The following FAM184B variants were observed in gnomAD, a reference collection of about 807,000 sequenced individuals.
FAM184B encodes the protein protein FAM184B.
In FAM184B, 111 loss-of-function variants were observed where a neutral mutation model predicts 135.9. The observed-to-expected ratio is 0.82, with a 90% CI of 0.70 to 0.96. FAM184B has a LOEUF of 0.96. FAM184B is among the 40% of genes least tolerant of loss of function. The probability of loss-of-function intolerance (pLI) is 0.00; values close to 1 mark genes in which losing one functional copy is unlikely to be tolerated. For synonymous variants in FAM184B, 552 were observed against 524.8 expected, an observed-to-expected ratio of 1.05 and a Z score of -0.71; for missense variants, 1,375 against 1,323.9, an observed-to-expected ratio of 1.04 and a Z score of -0.60.
At chr4:17,767,817 G>A (rs561191004) in intron 1 of FAM184B, among the ~76,000 whole-genome samples, 103 of 151,270 alleles carry the variant, frequency 6.8e-4, no homozygotes, top group African/African-American at 2.4e-3. Flanking sequence ...AATAAGGTAG[G>A]GTGCCAATCA....
At position 17,633,878 on chromosome 4, in the gene FAM184B, A is replaced by G. The variant is rs1037962319; in HGVS notation, c.2900T>C (p.Val967Ala). The G allele has an allele frequency of 1.6e-5, 24 of 1,548,324 alleles. No homozygotes were observed. In the African/African-American group the frequency reaches 3.0e-4, roughly 19 times the overall value. The stretch of plus-strand genomic sequence containing the variant: ...GACCACGCGGCTGGGCACGTCCTCC[A>G]CCTTCTTTTTCTGTTTGTATTAATG... ...YLTPSMKKKKVEDVPSRVVSV... is the reference protein window; with the variant it reads ...YLTPSMKKKKAEDVPSRVVSV... Residue 967 changes from valine to alanine, a missense_variant, in exon 17 of 18, where the codon GTG (valine) becomes GCG (alanine). By Grantham distance (64) the Val-to-Ala change is moderately conservative. Transcript: ENST00000265018.
rs112890690 is a variant in FAM184B at position 17,658,493 on chromosome 4, G to T, written c.1894C>A (p.Gln632Lys). Reference sequence around the variant, plus strand: ...TTCTCCCTCTCCAGGTCCGAGAGCTGCTTGAGTGCCTGCAGGTCCTCCCTG... The same window carrying T: ...TTCTCCCTCTCCAGGTCCGAGAGCTTCTTGAGTGCCTGCAGGTCCTCCCTG... ...NYREDLQALKQLSDLEREKLQ... is the reference protein window; with the variant it reads ...NYREDLQALKKLSDLEREKLQ... The change falls in exon 10 of 18, where the codon CAG becomes AAG. Residue 632 changes from glutamine to lysine, a missense_variant. Physicochemically the swap from Gln to Lys is moderately conservative, Grantham distance 53. Coordinates refer to ENST00000265018, the MANE Select transcript of FAM184B (RefSeq NM_015688.2). 2,173 of 1,551,414 alleles carry T rather than the reference G, an allele frequency of 1.4e-3. 19 individuals are homozygous for T. The highest frequency in any genetic ancestry group is 8.3e-4 in the Non-Finnish European group (953 of 1,146,960).
chr4:17,737,492 A>C (rs571529221), intron 1 of FAM184B, among the ~76,000 whole-genome samples: 37 of 152,294 alleles, frequency 2.4e-4, no homozygotes, highest in Non-Finnish European at 4.0e-4. Flanking sequence ...CATTGCTCAG[A>C]TGTTAAAAAG....
chr4:17,650,921 TG>T (rs760275923), intron 11 of FAM184B, among the ~76,000 whole-genome samples: 4 of 151,790 alleles, frequency 2.6e-5, no homozygotes, highest in Non-Finnish European at 5.9e-5. Context: ...TTTAAAGAGA[TG>T]GGGGTCTTGC....
At chr4:17,678,257 T>C (rs1278849670) in intron 7 of FAM184B, among the ~76,000 whole-genome samples, 1 of 152,166 alleles carries the variant, frequency 6.6e-6, no homozygotes, top group Admixed American at 6.5e-5. Flanking sequence ...GATATGATCG[T>C]ATACCTAGAA....
chr4:17,677,399 C>T (rs1409613519), intron 7 of FAM184B, among the ~76,000 whole-genome samples: 3 of 152,160 alleles, frequency 2.0e-5, no homozygotes, highest in African/African-American at 7.2e-5. Flanking sequence ...CTATTATGAA[C>T]ACCTTTACAT....
intron 7 of FAM184B, among the ~76,000 whole-genome samples, chr4:17,671,404 C>T (rs552377458): frequency 6.6e-6 from 1 of 152,220 alleles, no homozygotes; most frequent in East Asian, 1.9e-4. Flanking sequence ...CTGGTAGATA[C>T]CATAGCTCCT....
At chr4:17,772,872 T>C (rs551511445) in intron 1 of FAM184B, among the ~76,000 whole-genome samples, 1 of 152,196 alleles carries the variant, frequency 6.6e-6, no homozygotes, top group Non-Finnish European at 1.5e-5. Context: ...TAGAAGACAA[T>C]GTGTGCTTCT....
At chr4:17,739,535 C>T (rs895590300) in intron 1 of FAM184B, among the ~76,000 whole-genome samples, 2 of 145,624 alleles carry the variant, frequency 1.4e-5, no homozygotes, top group African/African-American at 5.0e-5. Context: ...TGGCTCCCTA[C>T]ACCATATGTC....
chr4:17,741,140 T>C (rs988527265), intron 1 of FAM184B, among the ~76,000 whole-genome samples: 1 of 152,124 alleles, frequency 6.6e-6, no homozygotes, highest in African/African-American at 2.4e-5. Context: ...CACACCTGGG[T>C]TCTTGTGGGC....
In FAM184B at chr4:17,634,526, G is replaced by A. The variant is rs113294049; in HGVS notation, c.2889+483C>T. Among the ~76,000 whole-genome samples the A allele has an allele frequency of 2.5e-3, 386 of 152,144 alleles. 3 individuals carry two copies. The highest frequency in any genetic ancestry group is 8.2e-3 in the African/African-American group (341 of 41,516). On this transcript the variant is annotated intron_variant, in intron 16 of 17. Coordinates refer to ENST00000265018, the MANE Select transcript of FAM184B (RefSeq NM_015688.2). Reference sequence around the variant, plus strand: ...TTTAATAGAGTTGGAGTTTCACCACGTTGGCCAGGCTGGTCTTGAAATCCT... The same window carrying A: ...TTTAATAGAGTTGGAGTTTCACCACATTGGCCAGGCTGGTCTTGAAATCCT...
intron 1 of FAM184B, among the ~76,000 whole-genome samples, chr4:17,770,717 C>T (rs1476762871): frequency 2.0e-5 from 3 of 152,164 alleles, no homozygotes; most frequent in Non-Finnish European, 2.9e-5. Context: ...CTGCCTGCCT[C>T]GGCCTCCCAA....
At chr4:17,644,431 A>G (rs1715408566) in intron 12 of FAM184B, among the ~76,000 whole-genome samples, 1 of 152,216 alleles carries the variant, frequency 6.6e-6, no homozygotes, top group Non-Finnish European at 1.5e-5. Flanking sequence ...CTGGTTCAAT[A>G]TACACAAATC....
intron 17 of FAM184B, 63 bp from the exon 18 acceptor site, chr4:17,632,688 C>T (rs1160621832): frequency 1.8e-6 from 2 of 1,087,592 alleles, no homozygotes; most frequent in African/African-American, 1.6e-5. Flanking sequence ...AGCTTAATAC[C>T]CACCATCTTT....
intron 1 of FAM184B, among the ~76,000 whole-genome samples, chr4:17,722,111 G>A (rs376668527): frequency 2.0e-5 from 3 of 152,096 alleles, no homozygotes; most frequent in Non-Finnish European, 4.4e-5. Context: ...AGGGGGAGAC[G>A]GAAGAGTCCA....
intron 1 of FAM184B, among the ~76,000 whole-genome samples, chr4:17,756,361 G>T (rs1323618533): frequency 6.6e-6 from 1 of 152,052 alleles, no homozygotes; most frequent in Non-Finnish European, 1.5e-5. Context: ...ACATCAAAAA[G>T]AATAATAACT....
intron 1 of FAM184B, among the ~76,000 whole-genome samples, chr4:17,748,652 G>A (rs991080469): frequency 2.0e-5 from 3 of 151,592 alleles, no homozygotes; most frequent in Admixed American, 6.6e-5. Flanking sequence ...AAGTAGCTGG[G>A]TTCACAGATT....
At chr4:17,707,830 TA>T in intron 2 of FAM184B, 46 bp from the exon 3 acceptor site, 1 of 1,549,202 alleles carries the variant, frequency 6.5e-7, no homozygotes, top group Non-Finnish European at 8.7e-7. Flanking sequence ...TAGCTCTGTA[TA>T]GAGACATCCT....
intron 11 of FAM184B, among the ~76,000 whole-genome samples, chr4:17,650,287 A>G (rs1255515563): frequency 6.6e-6 from 1 of 152,024 alleles, no homozygotes; most frequent in Non-Finnish European, 1.5e-5. Context: ...ATTGCAGGTC[A>G]GTTGTGTCTC....
Sources: gnomAD v4.1 joint callset for allele counts (sites outside exome capture counted in the v4.1 genomes callset) on GRCh38, gnomAD v4.1.1 for gene constraint, MANE v1.5 for transcripts, NCBI Gene and HGNC (gene_info 2026-07-23, HGNC 2026-07-21) for gene names.